The following TCF7L2 variants were observed in gnomAD, a reference collection of about 807,000 sequenced individuals.
TCF7L2 encodes transcription factor 7-like 2.
TCF7L2 carries 23 observed loss-of-function variants against 77.9 expected under a neutral mutation model. The observed-to-expected ratio is 0.30, with a 90% confidence interval of 0.21 to 0.42. TCF7L2 has a LOEUF of 0.42. Ranked by LOEUF, TCF7L2 falls within the 10% of genes least tolerant of loss-of-function variation. The pLI is 1.00. For missense variants in TCF7L2, 654 were observed against 793.1 expected (o/e 0.82, Z 2.11); for synonymous variants, 413 against 340.2 (o/e 1.21, Z -2.36).
intron 5 of TCF7L2, among the ~76,000 whole-genome samples, chr10:113,114,764 A>G (rs917235356): frequency 2.6e-5 from 4 of 152,236 alleles, no homozygotes; most frequent in Admixed American, 2.6e-4. Context: ...TTCAAGGCCT[A>G]GACTGAGAGA....
rs182702549 is a variant in TCF7L2 at position 113,081,689 on chromosome 10, T to C, written c.552+41563T>C. On this transcript the variant is annotated intron_variant, in intron 5 of 13. Coordinates refer to ENST00000627217, the MANE Select transcript of TCF7L2 (RefSeq NM_001146274.2). Reference sequence around the variant, plus strand: ...GAGTTCATTTTCCACCTGCTTGAGGTCACATTGAACCTCATCCCTGTTGCG... The same window carrying C: ...GAGTTCATTTTCCACCTGCTTGAGGCCACATTGAACCTCATCCCTGTTGCG... 1.8e-3 allele frequency among the ~76,000 whole-genome samples: 273 copies of C among 152,306 alleles called. 1 individual carries two copies. Among genetic ancestry groups the C allele is most frequent in the African/African-American group, 4.9e-3 (205 of 41,564 alleles).
intron 5 of TCF7L2, among the ~76,000 whole-genome samples, chr10:113,075,230 G>A (rs148973766): frequency 0.039 from 6,003 of 152,198 alleles, 411 homozygotes; most frequent in African/African-American, 0.13. Context: ...AGGCAGAGGC[G>A]GGCAGATCAC....
chr10:113,004,187 G>A (rs368361193), intron 4 of TCF7L2, among the ~76,000 whole-genome samples: 32 of 152,276 alleles, frequency 2.1e-4, no homozygotes, highest in African/African-American at 6.5e-4. Context: ...AGAAGTCTCC[G>A]GGGTGTAGTG....
At chr10:113,018,632 A>AT (rs533875676) in intron 4 of TCF7L2, among the ~76,000 whole-genome samples, 3 of 151,704 alleles carry the variant, frequency 2.0e-5, no homozygotes, top group East Asian at 1.9e-4. Flanking sequence ...ATGCCTGGGT[A>AT]TTTTTTTGTA....
chr10:112,956,780 A>G (rs1564706954), intron 3 of TCF7L2, among the ~76,000 whole-genome samples: 1 of 152,080 alleles, frequency 6.6e-6, no homozygotes, highest in Non-Finnish European at 1.5e-5. Context: ...AGCCCATAAC[A>G]CTTATGAATG....
intron 5 of TCF7L2, among the ~76,000 whole-genome samples, chr10:113,052,320 T>A (rs2054617707): frequency 6.6e-6 from 1 of 152,134 alleles, no homozygotes; most frequent in African/African-American, 2.4e-5. Flanking sequence ...CATTGATGGA[T>A]TAATTTCTGC....
chr10:113,127,094 G>A (rs1163306128), intron 5 of TCF7L2: 1 of 234,806 alleles, frequency 4.3e-6, no homozygotes, highest in African/African-American at 2.3e-5. Context: ...ATTTTTTTTA[G>A]CCTCTCTTTA....
chr10:113,065,189 T>C (rs2057085166), intron 5 of TCF7L2, among the ~76,000 whole-genome samples: 1 of 152,182 alleles, frequency 6.6e-6, no homozygotes, highest in Non-Finnish European at 1.5e-5. Context: ...GGCAAGGTGT[T>C]TAGTGTGGCC....
rs1003679437 is a variant in TCF7L2, at chr10:113,020,182, T to G, written c.451-19843T>G. The stretch of plus-strand genomic sequence containing the variant: ...GGTCAGTGAGGGCAGCCATGCTGCC[T>G]CACAGCTCACCTTAGGGTCCTTGTT... On this transcript the variant is annotated intron_variant, in intron 4 of 13. Coordinates refer to ENST00000627217, the MANE Select transcript of TCF7L2 (RefSeq NM_001146274.2). 2.0e-5 allele frequency among the ~76,000 whole-genome samples: 3 copies of G among 152,236 alleles called. No individual in the cohort carries two copies. In the East Asian group the frequency reaches 5.8e-4, roughly 29 times the overall value.
chr10:113,128,996 C>A (rs1486592957), intron 5 of TCF7L2, among the ~76,000 whole-genome samples: 2 of 152,006 alleles, frequency 1.3e-5, no homozygotes, highest in African/African-American at 4.8e-5. Flanking sequence ...TCACAAAACT[C>A]AACAGTCAAA....
intron 5 of TCF7L2, among the ~76,000 whole-genome samples, chr10:113,088,146 T>A (rs749596): frequency 0.16 from 24,154 of 152,046 alleles, 2,373 homozygotes; most frequent in Admixed American, 0.2. Flanking sequence ...TCTTTTTTTT[T>A]AAAAAGAAAC....
chr10:112,954,251 T>C (rs2134286265), intron 3 of TCF7L2, among the ~76,000 whole-genome samples: 1 of 152,340 alleles, frequency 6.6e-6, no homozygotes, highest in Admixed American at 6.5e-5. Flanking sequence ...TTCCCTTTGC[T>C]CCTTGGTGGC....
chr10:113,084,808 A>T (rs567072799), intron 5 of TCF7L2, among the ~76,000 whole-genome samples: 2 of 151,718 alleles, frequency 1.3e-5, no homozygotes, highest in Non-Finnish European at 2.9e-5. Context: ...TGTCACAAGA[A>T]TCGCTTGAAC....
At chr10:112,952,942 C>T (rs1050683413) in intron 3 of TCF7L2, among the ~76,000 whole-genome samples, 3 of 151,728 alleles carry the variant, frequency 2.0e-5, no homozygotes, top group Non-Finnish European at 4.4e-5. Flanking sequence ...TGCCCGGCTT[C>T]CCGGTATTGT....
chr10:112,984,655 T>C (rs1405860525), intron 4 of TCF7L2, among the ~76,000 whole-genome samples: 1 of 152,092 alleles, frequency 6.6e-6, no homozygotes, highest in Non-Finnish European at 1.5e-5. Context: ...ACCTTGTCTT[T>C]GTGTATGGCA....
intron 2 of TCF7L2, 40 bp downstream of exon 2, chr10:112,951,313 C>G: frequency 9.6e-7 from 1 of 1,040,206 alleles, no homozygotes; most frequent in South Asian, 3.4e-5. Flanking sequence ...CCCGGAGCCG[C>G]CCCCCGGGCC....
At chr10:113,087,352 CAGCATTGTGTTAGAAAATAA>C (rs2059939466) in intron 5 of TCF7L2, among the ~76,000 whole-genome samples, 1 of 152,244 alleles carries the variant, frequency 6.6e-6, no homozygotes, top group East Asian at 1.9e-4. Flanking sequence ...TCTTTGCTCT[CAGCATTGTGTTAGAAAATAA>C]AGCCAGCAGA....
intron 5 of TCF7L2, among the ~76,000 whole-genome samples, chr10:113,055,190 C>T (rs2055172843): frequency 6.6e-6 from 1 of 152,220 alleles, no homozygotes; most frequent in Admixed American, 6.5e-5. Flanking sequence ...ATGCTATTGT[C>T]AAGCTCTCCA....
At chr10:113,051,242 C>CAG (rs753266154) in intron 5 of TCF7L2, among the ~76,000 whole-genome samples, 15 of 148,466 alleles carry the variant, frequency 1.0e-4, no homozygotes, top group African/African-American at 2.5e-4. Context: ...CACACACACA[C>CAG]AGACACATAC....
Sources: gnomAD v4.1 joint callset for allele counts (sites outside exome capture counted in the v4.1 genomes callset) on GRCh38, gnomAD v4.1.1 for gene constraint, MANE v1.5 for transcripts, NCBI Gene and HGNC (gene_info 2026-07-23, HGNC 2026-07-21) for gene names.